Variants in TRAPPC12 observed in about 807,000 individuals in gnomAD.
TRAPPC12 encodes TPR repeat protein 15.
Under a neutral mutation model 69.2 loss-of-function variants are expected in TRAPPC12, and 61 were observed. The ratio of observed to expected loss-of-function variants is 0.88; its 90% CI spans 0.72 to 1.09. TRAPPC12 has a LOEUF of 1.09. Ranked by LOEUF, TRAPPC12 falls within the 50% of genes least tolerant of loss-of-function variation. TRAPPC12 has a pLI of 0.00. For synonymous variants in TRAPPC12, 469 were observed against 438.9 expected (o/e 1.07, Z -0.86); for missense variants, 1,101 against 1,016.4 (o/e 1.08, Z -1.13).
intron 2 of TRAPPC12, among the ~76,000 whole-genome samples, chr2:3,390,437 T>G (rs1264601850): frequency 6.6e-6 from 1 of 152,220 alleles, no homozygotes; most frequent in African/African-American, 2.4e-5. Context: ...TACCAGCTGT[T>G]GAGATGTCTA....
chr2:3,433,021 T>C (rs1426069726), intron 5 of TRAPPC12, among the ~76,000 whole-genome samples: 1 of 152,214 alleles, frequency 6.6e-6, no homozygotes, highest in Non-Finnish European at 1.5e-5. Flanking sequence ...TCTTAGGACT[T>C]TCTCACTGTT....
intron 6 of TRAPPC12, chr2:3,455,336 A>G (rs2103128163): frequency 6.6e-6 from 1 of 152,336 alleles, no homozygotes; most frequent in African/African-American, 2.4e-5. Context: ...TGGAGTATCC[A>G]TCCCCTCAAG....
At chr2:3,450,311 C>A (rs1664783694) in intron 6 of TRAPPC12, among the ~76,000 whole-genome samples, 1 of 152,174 alleles carries the variant, frequency 6.6e-6, no homozygotes, top group Non-Finnish European at 1.5e-5. Context: ...CTTTTCTCGG[C>A]AGTATGTGTT....
intron 5 of TRAPPC12, among the ~76,000 whole-genome samples, chr2:3,427,946 A>G (rs1663210326): frequency 6.6e-6 from 1 of 151,674 alleles, no homozygotes; most frequent in Non-Finnish European, 1.5e-5. Flanking sequence ...ACCTTTGGCC[A>G]TTCAGGAATG....
chr2:3,416,396 C>T (rs1019046479), intron 3 of TRAPPC12, among the ~76,000 whole-genome samples: 2 of 152,226 alleles, frequency 1.3e-5, no homozygotes, highest in African/African-American at 2.4e-5. Flanking sequence ...CCTGTGTGTC[C>T]GCAGGGGCAG....
In TRAPPC12 at chr2:3,478,918, T is replaced by C. The variant is rs1411630966; in HGVS notation, c.1950T>C (p.Asp650=). 6.2e-7 allele frequency: 1 copy of C among 1,614,010 alleles called. No individual in the cohort carries two copies. The highest frequency in any genetic ancestry group is 1.3e-5 in the African/African-American group (1 of 74,916). The change falls in exon 11 of 12, where the codon GAT becomes GAC. Residue 650 remains aspartate, a synonymous_variant. Coordinates refer to ENST00000324266, the MANE Select transcript of TRAPPC12 (RefSeq NM_016030.6). ...TCTTCACAGAGATCTTAAGGATGGA[T>C]CCAAGAAACGCAGTGGTAAGATCCC... The part of the protein sequence containing the change: ...HRFFTEILRM[D]PRNAVANNNA...
rs565314797 is a variant in TRAPPC12, at chr2:3,428,300, G to A, written c.1417+3637G>A. Among the ~76,000 whole-genome samples, 48 of 152,290 alleles carry A rather than the reference G, an allele frequency of 3.2e-4. 1 individual carries two copies. The South Asian group carries it at 3.9e-3, about 13-fold the overall frequency. On this transcript the variant is annotated intron_variant, in intron 5 of 11. Transcript: ENST00000324266. The stretch of plus-strand genomic sequence containing the variant: ...ATCATACATACATTTTAGCAAAAGC[G>A]TATTAACATTCATCCTCAATAATAT...
chr2:3,398,321 C>T (rs1239053878), intron 2 of TRAPPC12, among the ~76,000 whole-genome samples: 1 of 152,186 alleles, frequency 6.6e-6, no homozygotes, highest in East Asian at 1.9e-4. Context: ...TGACTCCCCA[C>T]CAATGATGTG....
At position 3,478,161 on chromosome 2, in the gene TRAPPC12, ATCCCGTGCTCTGG is replaced by A. The variant is rs1414513670; in HGVS notation, c.1877+368_1877+380del. ...CCGTGCTCTGGTGTTCTGTGTCTGG[ATCCCGTGCTCTGG>A]TGTTCTGTGGTAGAACGCACAGCGT... On this transcript the variant is annotated intron_variant, in intron 10 of 11. Transcript: ENST00000324266. 1,039 of 171,630 alleles carry A rather than the reference ATCCCGTGCTCTGG, an allele frequency of 6.1e-3. 12 individuals are homozygous for A. Among genetic ancestry groups the A allele is most frequent in the African/African-American group, 0.024 (994 of 42,220 alleles). 10.6% of individuals were successfully genotyped at this position (171,630 alleles called of 1,614,324 possible). A position where few individuals can be genotyped will look rare whatever the true frequency, so the allele number is the denominator to read the frequency against.
chr2:3,457,432 AAAAT>A (rs1472584453), intron 6 of TRAPPC12, among the ~76,000 whole-genome samples, 185 bp from the exon 7 acceptor site: 1 of 152,228 alleles, frequency 6.6e-6, no homozygotes, highest in Admixed American at 6.5e-5. Flanking sequence ...TCCTGAATCT[AAAAT>A]AAAGTTGCAA....
intron 3 of TRAPPC12, among the ~76,000 whole-genome samples, chr2:3,413,172 T>A (rs2103494616): frequency 6.6e-6 from 1 of 152,378 alleles, no homozygotes; most frequent in East Asian, 1.9e-4. Flanking sequence ...TTCCTTTGTC[T>A]AACCACTGCA....
chr2:3,412,428 G>T (rs1662114004), intron 3 of TRAPPC12, among the ~76,000 whole-genome samples: 1 of 152,180 alleles, frequency 6.6e-6, no homozygotes, highest in Admixed American at 6.6e-5. Context: ...CGGGTGTGGT[G>T]GTGGGCGCCT....
chr2:3,474,697 G>A (rs1208889515), intron 9 of TRAPPC12, among the ~76,000 whole-genome samples: 1 of 152,172 alleles, frequency 6.6e-6, no homozygotes, highest in Admixed American at 6.5e-5. Context: ...AAAGGATATG[G>A]TGGCTGTTTT....
rs1441688351 is a variant in TRAPPC12 at position 3,388,683 on chromosome 2, C to T, written c.1047+13C>T. 2.0e-6 allele frequency: 3 copies of T among 1,524,138 alleles called. No individual in the cohort carries two copies. In the African/African-American group the frequency reaches 4.1e-5, roughly 21 times the overall value. The allele number at this position is 1,524,138 out of a possible 1,614,324, so 94.4% of individuals were successfully genotyped here. Reference sequence around the variant, plus strand: ...CGACAACATCCAGGTGAGCCCGGGTCTCCCACCTCCGCAGCCCGTGCCTCC... The same window carrying T: ...CGACAACATCCAGGTGAGCCCGGGTTTCCCACCTCCGCAGCCCGTGCCTCC... On this transcript the variant is annotated intron_variant, in intron 2 of 11. Coordinates refer to ENST00000324266, the MANE Select transcript of TRAPPC12 (RefSeq NM_016030.6).
At chr2:3,474,674 A>G (rs1362140327) in intron 9 of TRAPPC12, among the ~76,000 whole-genome samples, 1 of 152,190 alleles carries the variant, frequency 6.6e-6, no homozygotes, top group African/African-American at 2.4e-5. Flanking sequence ...GCGTGTGCAC[A>G]GGTGACATCT....
intron 3 of TRAPPC12, among the ~76,000 whole-genome samples, chr2:3,418,057 A>C (rs1271555922): frequency 1.1e-4 from 3 of 27,858 alleles, no homozygotes; most frequent in East Asian, 6.5e-4. Context: ...AAAAAAAAAA[A>C]AACATTGTCA....
rs1296971629 is a variant in TRAPPC12, at chr2:3,401,903, A to G, written c.1164+10A>G. ...ATTGAAACAGCTAATCGTAAGTGACAATGTGTTTGATTTCAGTGTTGTTTT... is the reference window on the plus strand; with the variant it reads ...ATTGAAACAGCTAATCGTAAGTGACGATGTGTTTGATTTCAGTGTTGTTTT... On this transcript the variant is annotated intron_variant, in intron 3 of 11. Transcript: ENST00000324266. 1.9e-6 allele frequency: 3 copies of G among 1,540,086 alleles called. No individual in the cohort carries two copies. The highest frequency in any genetic ancestry group is 2.4e-5 in the South Asian group (2 of 82,516).
At chr2:3,384,150 C>G (rs547090715) in intron 1 of TRAPPC12, among the ~76,000 whole-genome samples, 1 of 152,026 alleles carries the variant, frequency 6.6e-6, no homozygotes, top group Non-Finnish European at 1.5e-5. Context: ...CCCTCCTCGG[C>G]CTCCCAAATT....
intron 6 of TRAPPC12, among the ~76,000 whole-genome samples, chr2:3,446,635 T>C (rs894916100): frequency 1.8e-4 from 27 of 152,374 alleles, no homozygotes; most frequent in African/African-American, 6.5e-4. Context: ...AGTGTTGAAC[T>C]GAAGCAGTTT....
Sources: gnomAD v4.1 joint callset for allele counts (sites outside exome capture counted in the v4.1 genomes callset) on GRCh38, gnomAD v4.1.1 for gene constraint, MANE v1.5 for transcripts, NCBI Gene and HGNC (gene_info 2026-07-23, HGNC 2026-07-21) for gene names.